GSE1: variants seen among roughly 807,000 people sequenced by gnomAD.
GSE1 encodes the protein Gse1 coiled-coil protein.
In GSE1, 32 loss-of-function variants were observed where a neutral mutation model predicts 112.6. The ratio of observed to expected loss-of-function variants is 0.28; its 90% confidence interval spans 0.21 to 0.38. The LOEUF is 0.38. GSE1 is among the 10% of genes least tolerant of loss of function. The pLI is 1.00. For synonymous variants in GSE1, 1,115 were observed against 735.6 expected, an observed-to-expected ratio of 1.52 and a Z score of -8.35; for missense variants, 2,348 against 1,699.2, an observed-to-expected ratio of 1.38 and a Z score of -6.71.
At chr16:85,451,499 T>G (rs1201943818) in intron 2 of GSE1, among the ~76,000 whole-genome samples, 3 of 41,244 alleles carry the variant, frequency 7.3e-5, no homozygotes, top group Admixed American at 2.9e-4. Flanking sequence ...TGCTGGTGGT[T>G]GGTGCGTGCG....
chr16:85,427,166 G>T lies in GSE1; in HGVS notation c.2464+69523G>T, dbSNP rs550464975. 4.6e-5 allele frequency among the ~76,000 whole-genome samples: 7 copies of T among 152,304 alleles called. No individual in the cohort carries two copies. In the South Asian group the frequency reaches 1.5e-3, roughly 32 times the overall value. On this transcript the variant is annotated intron_variant, in intron 2 of 2. Transcript: ENST00000637419. The stretch of plus-strand genomic sequence containing the variant: ...GGAGTGGGACAGCAGCTGCCCGCAG[G>T]TTCAGGCAAATTCAGCCCTTGGAGA...
At chr16:85,632,780 C>G (rs946641950) in intron 1 of GSE1, among the ~76,000 whole-genome samples, 9 of 152,116 alleles carry the variant, frequency 5.9e-5, no homozygotes, top group African/African-American at 2.2e-4. Flanking sequence ...CCAGCGCCCC[C>G]CCGCCCCAAG....
chr16:85,273,582 G>A (rs1473879704), intron 1 of GSE1, among the ~76,000 whole-genome samples: 3 of 152,146 alleles, frequency 2.0e-5, no homozygotes, highest in Non-Finnish European at 4.4e-5. Flanking sequence ...GAGTCCATTC[G>A]TATGGGATGC....
chr16:85,491,175 G>A (rs934861949), intron 2 of GSE1, among the ~76,000 whole-genome samples: 2 of 152,176 alleles, frequency 1.3e-5, no homozygotes, highest in African/African-American at 2.4e-5. Flanking sequence ...AGGTCAGCCC[G>A]GAGCCGCTAG....
intron 2 of GSE1, among the ~76,000 whole-genome samples, chr16:85,528,779 A>G (rs941209801): frequency 3.3e-5 from 5 of 152,098 alleles, no homozygotes; most frequent in Non-Finnish European, 7.3e-5. Context: ...GGGAAGTGCA[A>G]GCTGATGCCT....
chr16:85,432,883 T>C (rs911550480), intron 2 of GSE1, among the ~76,000 whole-genome samples: 6 of 152,064 alleles, frequency 3.9e-5, no homozygotes, highest in Admixed American at 6.5e-5. Context: ...CGGCACTCTC[T>C]GCAGCTCTAT....
intron 3 of GSE1, among the ~76,000 whole-genome samples, chr16:85,653,598 C>T (rs1044550079): frequency 1.3e-5 from 2 of 151,888 alleles, no homozygotes; most frequent in Non-Finnish European, 2.9e-5. Flanking sequence ...GACAGGCGAG[C>T]TGTTGCCTTC....
upstream of GSE1, chr16:85,613,179 A>C (rs920323054): frequency 3.6e-6 from 5 of 1,377,054 alleles, no homozygotes; most frequent in Middle Eastern, 2.6e-4. Flanking sequence ...GGAGCGAGCC[A>C]GTGGCCCGGG....
intron 1 of GSE1, among the ~76,000 whole-genome samples, chr16:85,185,768 A>G (rs1023197491): frequency 6.6e-6 from 1 of 152,252 alleles, no homozygotes; most frequent in Non-Finnish European, 1.5e-5. Context: ...TGTGGCCTGA[A>G]GTGCCTCAGG....
At chr16:85,294,933 C>T (rs2045326377) in intron 1 of GSE1, among the ~76,000 whole-genome samples, 1 of 151,158 alleles carries the variant, frequency 6.6e-6, no homozygotes, top group East Asian at 1.9e-4. Context: ...TACATTTTTG[C>T]AGAGACGGGG....
intron 2 of GSE1, among the ~76,000 whole-genome samples, chr16:85,521,745 G>A (rs1392042525): frequency 6.6e-6 from 1 of 152,240 alleles, no homozygotes; most frequent in African/African-American, 2.4e-5. Context: ...GCAGGGGCCT[G>A]GTTGTGCACT....
intron 2 of GSE1, among the ~76,000 whole-genome samples, chr16:85,472,633 C>T (rs1476142800): frequency 1.3e-5 from 2 of 152,228 alleles, no homozygotes; most frequent in Non-Finnish European, 2.9e-5. Context: ...AGTTCAGCAG[C>T]GGCTCAGGAC....
intron 1 of GSE1, among the ~76,000 whole-genome samples, chr16:85,234,427 T>TC (rs1438761094): frequency 6.6e-6 from 1 of 152,144 alleles, no homozygotes; most frequent in African/African-American, 2.4e-5. Flanking sequence ...CAGGGACCGC[T>TC]CCAGCAGCAA....
At chr16:85,248,697 C>T (rs1906130981) in intron 1 of GSE1, among the ~76,000 whole-genome samples, 1 of 152,238 alleles carries the variant, frequency 6.6e-6, no homozygotes, top group South Asian at 2.1e-4. Flanking sequence ...CTTATCTTGG[C>T]TAGAACCAAG....
intron 1 of GSE1, among the ~76,000 whole-genome samples, chr16:85,602,912 C>T (rs2047529664): frequency 6.6e-6 from 1 of 152,216 alleles, no homozygotes; most frequent in Non-Finnish European, 1.5e-5. Flanking sequence ...GGGACCGGAG[C>T]GGGGCGCTCC....
chr16:85,539,894 G>A (rs748638546), intron 2 of GSE1, among the ~76,000 whole-genome samples: 12 of 152,228 alleles, frequency 7.9e-5, no homozygotes, highest in Non-Finnish European at 1.3e-4. Flanking sequence ...GGGAACAAAG[G>A]AGAGTCCTGG....
At chr16:85,443,695 C>G (rs1441784900) in intron 2 of GSE1, among the ~76,000 whole-genome samples, 2 of 152,236 alleles carry the variant, frequency 1.3e-5, no homozygotes, top group Non-Finnish European at 1.5e-5. Flanking sequence ...CCCCACCCAC[C>G]TGCCTTCCCT....
At chr16:85,648,782 C>T (rs371179853) in intron 3 of GSE1, 31 bp downstream of exon 3, 5 of 1,355,904 alleles carry the variant, frequency 3.7e-6, no homozygotes, top group East Asian at 5.2e-5. Context: ...AGCCTAGCGT[C>T]CTCTAAGTGG....
intron 2 of GSE1, among the ~76,000 whole-genome samples, chr16:85,479,489 AGATGGG>A (rs921514048): frequency 2.6e-5 from 4 of 151,720 alleles, no homozygotes; most frequent in African/African-American, 9.7e-5. Flanking sequence ...TTTTTAGTAG[AGATGGG>A]GTTTCTCCAC....
Sources: gnomAD v4.1 joint callset for allele counts (sites outside exome capture counted in the v4.1 genomes callset) on GRCh38, gnomAD v4.1.1 for gene constraint, MANE v1.5 for transcripts, NCBI Gene and HGNC (gene_info 2026-07-23, HGNC 2026-07-21) for gene names.